CSMD1: variants seen among roughly 807,000 people sequenced by gnomAD.
The protein encoded by CSMD1 is CUB and sushi domain-containing protein 1.
CSMD1 carries 213 observed loss-of-function variants against 417.5 expected under a neutral mutation model. The ratio of observed to expected loss-of-function variants is 0.51; its 90% confidence interval spans 0.46 to 0.57. The LOEUF is 0.57. Ranked by LOEUF, CSMD1 falls within the 20% of genes least tolerant of loss-of-function variation. The pLI is 0.00. For synonymous variants in CSMD1, 2,862 were observed against 1,736.8 expected (o/e 1.65, Z -16.11); for missense variants, 6,923 against 4,529.7 (o/e 1.53, Z -15.17).
intron 26 of CSMD1, among the ~76,000 whole-genome samples, chr8:3,283,762 A>G (rs761245316): frequency 1.3e-5 from 2 of 152,242 alleles, no homozygotes; most frequent in Non-Finnish European, 2.9e-5. Flanking sequence ...AGGAGACTTA[A>G]GTTCCTCCCC....
At chr8:3,158,003 A>G (rs1318355574) in intron 38 of CSMD1, 37 bp from the exon 39 acceptor site, 3 of 1,446,630 alleles carry the variant, frequency 2.1e-6, no homozygotes, top group African/African-American at 2.8e-5. Context: ...ACATATAACT[A>G]AAAACAGAGT....
chr8:4,210,150 G>A (rs1296299838), intron 3 of CSMD1, among the ~76,000 whole-genome samples: 1 of 152,196 alleles, frequency 6.6e-6, no homozygotes, highest in Non-Finnish European at 1.5e-5. Context: ...TCCTGTCACT[G>A]TGTGTCAAAT....
chr8:4,956,245 C>T (rs958199748), intron 1 of CSMD1, among the ~76,000 whole-genome samples: 3 of 133,718 alleles, frequency 2.2e-5, no homozygotes, highest in African/African-American at 5.6e-5. Context: ...TCCTTACTCG[C>T]TATTTTTTTT....
intron 5 of CSMD1, among the ~76,000 whole-genome samples, chr8:3,870,986 TTC>T (rs1391171363): frequency 6.6e-6 from 1 of 150,500 alleles, no homozygotes; most frequent in African/African-American, 2.4e-5. Flanking sequence ...AGTTAATTTT[TTC>T]TCATTCAATG....
intron 2 of CSMD1, among the ~76,000 whole-genome samples, chr8:4,446,214 C>G (rs1314627717): frequency 1.3e-5 from 2 of 152,180 alleles, no homozygotes; most frequent in African/African-American, 2.4e-5. Flanking sequence ...TTTCCACAAT[C>G]ATCTATTTCT....
chr8:3,964,478 C>T (rs138560159), intron 5 of CSMD1, among the ~76,000 whole-genome samples: 1 of 152,168 alleles, frequency 6.6e-6, no homozygotes, highest in Non-Finnish European at 1.5e-5. Flanking sequence ...CTCATTTTGC[C>T]GCATTTGTAT....
At chr8:3,288,898 C>T (rs1248263773) in intron 25 of CSMD1, among the ~76,000 whole-genome samples, 3 of 146,750 alleles carry the variant, frequency 2.0e-5, no homozygotes, top group South Asian at 2.1e-4. Context: ...CATATGTATA[C>T]ATGTGCCATG....
intron 7 of CSMD1, among the ~76,000 whole-genome samples, chr8:3,706,346 C>G (rs1323948266): frequency 2.6e-5 from 4 of 152,234 alleles, no homozygotes; most frequent in South Asian, 4.1e-4. Flanking sequence ...GCTTCAAACC[C>G]TATGTCCTTT....
intron 3 of CSMD1, among the ~76,000 whole-genome samples, chr8:4,146,687 C>T (rs1804155660): frequency 7.5e-6 from 1 of 133,000 alleles, no homozygotes; most frequent in African/African-American, 2.9e-5. Flanking sequence ...TCTGGACTCA[C>T]TGCAAGCTCC....
intron 3 of CSMD1, among the ~76,000 whole-genome samples, chr8:4,251,760 G>C (rs184387203): frequency 2.1e-4 from 32 of 152,166 alleles, no homozygotes; most frequent in Admixed American, 1.8e-3. Flanking sequence ...ACAAGTGTGT[G>C]TGAGAGTGAT....
chr8:3,340,523 A>G (rs1054804603), intron 23 of CSMD1, among the ~76,000 whole-genome samples: 1 of 152,226 alleles, frequency 6.6e-6, no homozygotes, highest in Non-Finnish European at 1.5e-5. Context: ...TCAAGAGGCA[A>G]TTACAAAAGT....
At chr8:4,570,807 T>C (rs956241315) in intron 2 of CSMD1, among the ~76,000 whole-genome samples, 2 of 152,096 alleles carry the variant, frequency 1.3e-5, no homozygotes, top group Non-Finnish European at 2.9e-5. Flanking sequence ...TTAATCACTG[T>C]GTCAATTTTG....
intron 3 of CSMD1, among the ~76,000 whole-genome samples, chr8:4,137,745 A>G (rs1363885506): frequency 6.9e-6 from 1 of 144,440 alleles, no homozygotes; most frequent in African/African-American, 2.4e-5. Flanking sequence ...TATTTTATAT[A>G]AAATTACACT....
chr8:3,643,685 C>G (rs187511061), intron 7 of CSMD1, among the ~76,000 whole-genome samples: 1 of 117,634 alleles, frequency 8.5e-6, no homozygotes, highest in Non-Finnish European at 1.6e-5. Context: ...TGGGCGACAG[C>G]GTGAGACTCC....
intron 1 of CSMD1, among the ~76,000 whole-genome samples, chr8:4,692,861 G>A (rs532142799): frequency 2.0e-5 from 3 of 152,306 alleles, no homozygotes; most frequent in South Asian, 4.1e-4. Context: ...ACTGTGAGGT[G>A]CTAGACAAGA....
rs563421219 is a variant in CSMD1 at position 4,369,811 on chromosome 8, C to G, written c.415+50142G>C. ...TAGATCTTTATCCATCCCTTTACTT[C>G]GAGACTATGGGTGTTGTTACTTGTA... On this transcript the variant is annotated intron_variant, in intron 3 of 69. Coordinates refer to ENST00000635120, the MANE Select transcript of CSMD1 (RefSeq NM_033225.6). Among the ~76,000 whole-genome samples, 5 of 152,180 alleles carry G rather than the reference C, an allele frequency of 3.3e-5. 1 individual carries two copies. The highest frequency in any genetic ancestry group is 3.9e-4 in the East Asian group (2 of 5,180).
intron 3 of CSMD1, among the ~76,000 whole-genome samples, chr8:4,222,281 G>C (rs530359573): frequency 2.2e-4 from 33 of 152,038 alleles, no homozygotes; most frequent in Admixed American, 5.9e-4. Context: ...ATTTTCCCAG[G>C]TATTGCTTTT....
chr8:3,177,216 G>A (rs1047771750), intron 37 of CSMD1, among the ~76,000 whole-genome samples: 2 of 152,194 alleles, frequency 1.3e-5, no homozygotes, highest in East Asian at 1.9e-4. Context: ...AGTGGAGCCT[G>A]GGCCTCGTGT....
At chr8:3,926,132 C>T (rs3115649) in intron 5 of CSMD1, among the ~76,000 whole-genome samples, 2 of 132,196 alleles carry the variant, frequency 1.5e-5, no homozygotes, top group African/African-American at 5.8e-5. Flanking sequence ...CACACACACA[C>T]TTGTGGTGTG....
Sources: allele counts gnomAD v4.1 joint callset (sites outside exome capture counted in the v4.1 genomes callset), GRCh38; gene constraint gnomAD v4.1.1; transcripts MANE v1.5; gene names NCBI Gene and HGNC (gene_info 2026-07-23, HGNC 2026-07-21).